The following TCOF1 variants were observed in gnomAD, a reference collection of about 807,000 sequenced individuals.
The protein encoded by TCOF1 is treacle ribosome biogenesis factor 1, also known as treacle protein.
A neutral mutation model predicts 149.0 loss-of-function variants in TCOF1; 33 were observed. The ratio of observed to expected loss-of-function variants is 0.22; its 90% CI spans 0.17 to 0.30. The LOEUF is 0.30. Ranked by LOEUF, TCOF1 falls within the 10% of genes least tolerant of loss-of-function variation. The pLI, the probability that TCOF1 is intolerant of heterozygous loss-of-function variation, is 1.00. For missense variants in TCOF1, 1,728 were observed against 1,840.7 expected (o/e 0.94, Z 1.12); for synonymous variants, 789 against 738.8 (o/e 1.07, Z -1.10).
Position 150,391,805 on chromosome 5 carries a change from A to T in TCOF1, c.3297+148A>T. On this transcript the variant is annotated intron_variant, in intron 20 of 26. Transcript: ENST00000643257. ...CTCAGTGGCCTAATCTGTAAGAAGG[A>T]ATTACAGTACCTTTCGTAGTTGGAA... 7 of 1,155,106 alleles carry T rather than the reference A, an allele frequency of 6.1e-6. No individual in the cohort carries two copies. The South Asian group carries it at 9.2e-5, about 15-fold the overall frequency. The allele number at this position is 1,155,106 out of a possible 1,614,324, so 71.6% of individuals were successfully genotyped here.
chr5:150,369,041 C>A, intron 5 of TCOF1, 139 bp downstream of exon 5: 2 of 1,129,776 alleles, frequency 1.8e-6, no homozygotes, highest in Non-Finnish European at 2.6e-6. Flanking sequence ...CATCTTAGGA[C>A]TTTTCTCATC....
rs1199720514 is a variant in TCOF1, at chr5:150,399,919, C to G, written c.*132C>G. On this transcript the variant is annotated 3_prime_UTR_variant, in exon 27 of 27. Coordinates refer to ENST00000643257, the MANE Select transcript of TCOF1 (RefSeq NM_001371623.1). ...CCTTCCCTCGCTCCACAGAAGAAGA[C>G]AGCCAGCTTCAGGGGTCCCTGTGCT... The G allele has an allele frequency of 6.6e-6, 1 of 152,492 alleles. No individual in the cohort carries two copies. 9.4% of individuals were successfully genotyped at this position (152,492 alleles called of 1,614,324 possible).
chr5:150,379,432 A>G (rs926128801), intron 16 of TCOF1, 24 bp downstream of exon 16: 7 of 1,613,776 alleles, frequency 4.3e-6, no homozygotes, highest in Admixed American at 1.7e-5. Flanking sequence ...AATGGAGATC[A>G]TCCCCTACAT....
At chr5:150,363,038 C>T (rs1760521793) in intron 2 of TCOF1, among the ~76,000 whole-genome samples, 1 of 152,116 alleles carries the variant, frequency 6.6e-6, no homozygotes, top group African/African-American at 2.4e-5. Context: ...TGGCAATTAT[C>T]TCATTGCATT....
At position 150,392,021 on chromosome 5, in the gene TCOF1, G is replaced by T; in HGVS notation, c.3362G>T (p.Gly1121Val). 6.2e-7 allele frequency: 1 copy of T among 1,614,212 alleles called. No homozygotes were observed. Among genetic ancestry groups the T allele is most frequent in the South Asian group, 1.1e-5 (1 of 91,090 alleles). ...SPQSTSVQAK[G>V]TNKLRKPKLP... is the part of the protein sequence containing the mutation. Reference sequence around the variant, plus strand: ...CAGAGCACCTCCGTCCAGGCCAAAGGGACCAACAAGCTCAGAAAACCTAAG... The same window carrying T: ...CAGAGCACCTCCGTCCAGGCCAAAGTGACCAACAAGCTCAGAAAACCTAAG... Residue 1121 changes from glycine to valine, a missense_variant, in exon 21 of 27, where the codon GGG becomes GTG. Around this residue, in one of 2 missense-constraint regions of TCOF1, gnomAD observed 1,696 missense variants for 1,765.4 expected, o/e 0.96. Coordinates refer to ENST00000643257, the MANE Select transcript of TCOF1 (RefSeq NM_001371623.1).
chr5:150,389,314 C>T (rs77558738), intron 18 of TCOF1, among the ~76,000 whole-genome samples: 26,579 of 152,164 alleles, frequency 0.17, 2,525 homozygotes, highest in African/African-American at 0.25. Context: ...CAGTAACCTT[C>T]ACTGGATATT....
chr5:150,368,679 C>A, intron 4 of TCOF1, 37 bp from the exon 5 acceptor site: 4 of 1,612,810 alleles, frequency 2.5e-6, no homozygotes, highest in Non-Finnish European at 3.4e-6. Context: ...GTTCACCATG[C>A]CATACCAGAT....
rs1330676914 is a variant in TCOF1, at chr5:150,400,060, T to C, written c.*273T>C. 1.3e-5 allele frequency: 2 copies of C among 152,218 alleles called. No individual in the cohort carries two copies. Among genetic ancestry groups the C allele is most frequent in the Non-Finnish European group, 2.9e-5 (2 of 68,136 alleles). The allele number at this position is 152,218 out of a possible 1,614,324, so 9.4% of individuals were successfully genotyped here. A position where few individuals can be genotyped will look rare whatever the true frequency, so the allele number is the denominator to read the frequency against. ...TTCATATAGATGTGTACAGTATATG[T>C]ATTTTTTTAAGTGACCTCCTCTCCT... On this transcript the variant is annotated 3_prime_UTR_variant, in exon 27 of 27. Coordinates refer to ENST00000643257, the MANE Select transcript of TCOF1 (RefSeq NM_001371623.1).
At position 150,396,946 on chromosome 5, in the gene TCOF1, AAG is replaced by A. The variant is rs544944924; in HGVS notation, c.4345+109_4345+110del. On this transcript the variant is annotated intron_variant, in intron 24 of 26. Coordinates refer to ENST00000643257, the MANE Select transcript of TCOF1 (RefSeq NM_001371623.1). ...CTGGTCTCATTCCTCCCATGTAGAA[AAG>A]AGAGGCTGAGACCAGCCTGGCCAAC... is the stretch of plus-strand genomic sequence containing the variant. 7.7e-5 allele frequency: 107 copies of A among 1,385,548 alleles called. 1 individual carries two copies. In the African/African-American group the frequency reaches 1.3e-3, roughly 16 times the overall value. The allele number at this position is 1,385,548 out of a possible 1,614,324, so 85.8% of individuals were successfully genotyped here.
In TCOF1 at chr5:150,371,918, CTT is replaced by C. The variant is rs1455944210; in HGVS notation, c.640-86_640-85del. The C allele has an allele frequency of 2.2e-4, 264 of 1,198,362 alleles. 5 individuals are homozygous for C. The South Asian group carries it at 3.3e-3, about 15-fold the overall frequency. 74.2% of individuals were successfully genotyped at this position (1,198,362 alleles called of 1,614,324 possible). The stretch of plus-strand genomic sequence containing the variant: ...AAAATCCAGTGACATTAGGAAAGAG[CTT>C]TATCAACTGCTGAAGCCCCTAATAC... On this transcript the variant is annotated intron_variant, in intron 6 of 26. Transcript: ENST00000643257.
At chr5:150,394,776 G>A (rs12656624) in intron 23 of TCOF1, 9,048 of 152,348 alleles carry the variant, frequency 0.059, 289 homozygotes, top group Non-Finnish European at 0.076. Context: ...AAACTAGCCA[G>A]CATGATGGCA....
rs749229511 is a variant in TCOF1, at chr5:150,379,381, TGAG to T, written c.2639_2641del (p.Glu880del). ...GGAGCAGTGAGGAGGAGTCAGACAG[TGAG>T]GAGGAGGCGGAGACGCTGGCTCAGG... On this transcript the variant is annotated inframe_deletion, in exon 16 of 27. Transcript: ENST00000643257. 59 of 1,613,648 alleles carry T rather than the reference TGAG, an allele frequency of 3.7e-5. No homozygotes were observed. Among genetic ancestry groups the T allele is most frequent in the Admixed American group, 2.7e-4 (16 of 59,982 alleles).
At chr5:150,364,036 G>C in intron 2 of TCOF1, 77 bp from the exon 3 acceptor site, 1 of 1,605,554 alleles carries the variant, frequency 6.2e-7, no homozygotes, top group Non-Finnish European at 8.5e-7. Flanking sequence ...GGAAGGATGC[G>C]GGAAGGTCTG....
intron 22 of TCOF1, chr5:150,393,099 G>A (rs1335180895): frequency 1.7e-6 from 1 of 590,624 alleles, no homozygotes; most frequent in Non-Finnish European, 3.0e-6. Context: ...CTATCTGTAT[G>A]TGGCAAAAGC....
chr5:150,387,928 C>G lies in TCOF1; in HGVS notation c.2886C>G (p.Val962=). 1 of 1,613,860 alleles carries G rather than the reference C, an allele frequency of 6.2e-7. No individual in the cohort carries two copies. Among genetic ancestry groups the G allele is most frequent in the Non-Finnish European group, 8.5e-7 (1 of 1,180,016 alleles). ...TGATTAAACCCCCTCTGATTTTTGTCGACCCTAATCGTAGTCCAGCTGGCC... is the reference window on the plus strand; with the variant it reads ...TGATTAAACCCCCTCTGATTTTTGTGGACCCTAATCGTAGTCCAGCTGGCC... ...AQVIKPPLIF[V]DPNRSPAGPA... is the part of the protein sequence containing the mutation. The change falls in exon 18 of 27, where the codon GTC becomes GTG. Residue 962 remains valine, a synonymous_variant. Coordinates refer to ENST00000643257, the MANE Select transcript of TCOF1 (RefSeq NM_001371623.1).
chr5:150,393,539 G>A lies in TCOF1; in HGVS notation c.3771G>A (p.Leu1257=), dbSNP rs758967054. The change falls in exon 23 of 27, where the codon TTG becomes TTA. Residue 1257 remains leucine, a synonymous_variant. Coordinates refer to ENST00000643257, the MANE Select transcript of TCOF1 (RefSeq NM_001371623.1). ...EAKPQQAAGM[L]SPKTGGKEAA... is the part of the protein sequence containing the mutation. ...AGCCCCAACAGGCAGCAGGCATGTT[G>A]TCCCCTAAAACAGGTAAGTTAAGGT... 2.5e-6 allele frequency: 4 copies of A among 1,614,162 alleles called. No homozygotes were observed. Among genetic ancestry groups the A allele is most frequent in the South Asian group, 1.1e-5 (1 of 91,082 alleles).
At chr5:150,378,828 T>C (rs1304113429) in intron 14 of TCOF1, 77 bp from the exon 15 acceptor site, 2 of 1,605,716 alleles carry the variant, frequency 1.2e-6, no homozygotes, top group African/African-American at 2.7e-5. Context: ...GGGCTCCAGC[T>C]CCAGAGTCTG....
intron 17 of TCOF1, chr5:150,384,551 C>A (rs1765883680): frequency 1.5e-5 from 15 of 985,462 alleles, no homozygotes; most frequent in Non-Finnish European, 1.8e-5. Context: ...TCTGAGGGAT[C>A]TAAACAACTG....
chr5:150,389,858 T>C (rs763082076), intron 18 of TCOF1, 29 bp from the exon 19 acceptor site: 1 of 1,614,186 alleles, frequency 6.2e-7, no homozygotes, highest in Non-Finnish European at 8.5e-7. Flanking sequence ...TTTTGTGCCC[T>C]GATGTGCCCC....
Sources: allele counts gnomAD v4.1 joint callset (sites outside exome capture counted in the v4.1 genomes callset), GRCh38; gene constraint gnomAD v4.1.1; regional missense constraint gnomAD v4.1.1; transcripts MANE v1.5; gene names NCBI Gene and HGNC (gene_info 2026-07-23, HGNC 2026-07-21).